Variants in AGAP5 observed in about 807,000 individuals in gnomAD.
The protein encoded by AGAP5 is ArfGAP with GTPase domain, ankyrin repeat and PH domain 5, also known as arf-GAP with GTPase, ANK repeat and PH domain-containing protein 5.
In AGAP5, 8 loss-of-function variants were observed where a neutral mutation model predicts 27.7. The ratio of observed to expected loss-of-function variants is 0.29; its 90% CI spans 0.17 to 0.52. AGAP5 has a LOEUF of 0.52. AGAP5 is among the 20% of genes least tolerant of loss of function. AGAP5 has a pLI of 0.97. For missense variants in AGAP5, 285 were observed against 880.8 expected, an observed-to-expected ratio of 0.32 and a Z score of 8.56; for synonymous variants, 111 against 338.0, an observed-to-expected ratio of 0.33 and a Z score of 7.37.
At chr10:73,690,240 A>T (rs1362094094) in intron 4 of AGAP5, among the ~76,000 whole-genome samples, 1 of 151,996 alleles carries the variant, frequency 6.6e-6, no homozygotes, top group Non-Finnish European at 1.5e-5. Context: ...GACATGGGAG[A>T]CTTTTCATTT....
intron 3 of AGAP5, among the ~76,000 whole-genome samples, chr10:73,692,409 T>C (rs1208611938): frequency 6.6e-6 from 1 of 152,138 alleles, no homozygotes; most frequent in Middle Eastern, 3.2e-3. Flanking sequence ...CATGATCCAT[T>C]AGTATTCTCT....
chr10:73,697,371 G>C (rs1307179986), intron 1 of AGAP5, among the ~76,000 whole-genome samples, 162 bp downstream of exon 1: 1 of 151,972 alleles, frequency 6.6e-6, no homozygotes, highest in East Asian at 1.9e-4. Flanking sequence ...AGACTAAGGG[G>C]TGGGAATTCA....
rs2082179236 is a variant in AGAP5, at chr10:73,698,021, T to C, written c.-266A>G. ...AGACCAGCTGGCTTATTTAATAGGT[T>C]GTGAACCCAACAAGCGCTGAGAGAC... On this transcript the variant is annotated 5_prime_UTR_variant, in exon 1 of 8. Coordinates refer to ENST00000374094, the MANE Select transcript of AGAP5 (RefSeq NM_001144000.4). 7.0e-7 allele frequency: 1 copy of C among 1,428,748 alleles called. No homozygotes were observed. The highest frequency in any genetic ancestry group is 1.4e-5 in the African/African-American group (1 of 69,742). The allele number at this position is 1,428,748 out of a possible 1,614,324, so 88.5% of individuals were successfully genotyped here.
At chr10:73,681,446 C>G (rs2082024222) in intron 5 of AGAP5, 1 of 985,326 alleles carries the variant, frequency 1.0e-6, no homozygotes, top group African/African-American at 1.7e-5. Context: ...ACCTATCCCA[C>G]TGACAACAGT....
chr10:73,686,230 A>G (rs969464281), intron 4 of AGAP5, among the ~76,000 whole-genome samples: 4 of 152,252 alleles, frequency 2.6e-5, no homozygotes, highest in Non-Finnish European at 5.9e-5. Context: ...GGAACAGAAT[A>G]GAGAACCTAG....
chr10:73,685,592 C>T (rs1470712887), intron 4 of AGAP5, among the ~76,000 whole-genome samples: 6 of 150,944 alleles, frequency 4.0e-5, no homozygotes, highest in Admixed American at 6.6e-5. Flanking sequence ...GCTCTGTTGC[C>T]CAGGCTGGAG....
chr10:73,682,782 G>C lies in AGAP5; in HGVS notation c.409C>G (p.Arg137Gly). The part of the protein sequence containing the change: ...SNCTNHVSTE[R>G]FSQQYSSCST... ...CACGAGCTGTATTGTTGACTGAAAC[G>C]CTCAGTAGATACCTGAAGGGGAAGG... is the stretch of plus-strand genomic sequence containing the variant. Residue 137 changes from arginine (R) to glycine (G), a missense_variant, in exon 5 of 8, where the codon CGT becomes GGT. Coordinates refer to ENST00000374094, the MANE Select transcript of AGAP5 (RefSeq NM_001144000.4). The C allele has an allele frequency of 6.2e-7, 1 of 1,611,282 alleles. No individual in the cohort carries two copies. Among genetic ancestry groups the C allele is most frequent in the Non-Finnish European group, 8.5e-7 (1 of 1,179,852 alleles).
intron 4 of AGAP5, among the ~76,000 whole-genome samples, chr10:73,690,317 T>C (rs1336892479): frequency 6.6e-6 from 1 of 152,178 alleles, no homozygotes; most frequent in Non-Finnish European, 1.5e-5. Flanking sequence ...CCCCCAACCC[T>C]GTGCTCTCTG....
chr10:73,674,872 A>G lies in AGAP5; in HGVS notation c.1788T>C (p.Ala596=), dbSNP rs538941448. Residue 596 remains alanine (A), a synonymous_variant, in exon 8 of 8, where the codon GCT becomes GCC. Transcript: ENST00000374094. ...SLGQHLLRAT[A]DEDLQTAILL... ...GGATGGCTGTCTGCAGGTCCTCATC[A>G]GCGGTGGCCCGCAGCAGGTGCTGGC... is the stretch of plus-strand genomic sequence containing the variant. 132 of 1,612,098 alleles carry G rather than the reference A, an allele frequency of 8.2e-5. No homozygotes were observed. The African/African-American group carries it at 1.6e-3, about 19-fold the overall frequency.
chr10:73,688,747 T>A (rs1194486515), intron 4 of AGAP5, among the ~76,000 whole-genome samples: 1 of 151,972 alleles, frequency 6.6e-6, no homozygotes, highest in Admixed American at 6.6e-5. Flanking sequence ...GAAGAGATAG[T>A]CTGCAGGTTT....
intron 4 of AGAP5, among the ~76,000 whole-genome samples, chr10:73,685,451 G>T (rs2082055297): frequency 6.6e-6 from 1 of 151,590 alleles, no homozygotes; most frequent in African/African-American, 2.4e-5. Context: ...GTGATTTTTT[G>T]TTTTTAATTC....
chr10:73,691,982 C>T, intron 4 of AGAP5, 61 bp downstream of exon 4: 1 of 1,378,012 alleles, frequency 7.3e-7, no homozygotes, highest in South Asian at 1.3e-5. Flanking sequence ...TTAAAGAAAT[C>T]AAGAGAGACA....
intron 6 of AGAP5, among the ~76,000 whole-genome samples, chr10:73,678,241 A>C (rs2081996257): frequency 6.6e-6 from 1 of 152,170 alleles, no homozygotes; most frequent in Non-Finnish European, 1.5e-5. Flanking sequence ...CAAACATATA[A>C]GAAAATTAGC....
intron 2 of AGAP5, among the ~76,000 whole-genome samples, chr10:73,696,722 CTT>C: frequency 6.6e-6 from 1 of 152,274 alleles, no homozygotes; most frequent in Non-Finnish European, 1.5e-5. Flanking sequence ...ACTCTTTTTT[CTT>C]TTTCCTTCTG....
Position 73,674,966 on chromosome 10 carries a change from C to A in AGAP5, c.1694G>T (p.Arg565Leu). The A allele has an allele frequency of 6.2e-7, 1 of 1,613,012 alleles. No individual in the cohort carries two copies. The highest frequency in any genetic ancestry group is 2.2e-5 in the East Asian group (1 of 44,892). Residue 565 changes from arginine (R) to leucine (L), a missense_variant, in exon 8 of 8, where the codon CGG becomes CTG. Physicochemically the swap from Arg to Leu is moderately radical, Grantham distance 102. Transcript: ENST00000374094. ...SVKSTREEKE[R>L]WIRSKYEEKL... ...CTCCTCATATTTGGAACGGATCCAC[C>A]GTTCCTTCTCTTCCCTCGTGGACTT...
intron 2 of AGAP5, 76 bp from the exon 3 acceptor site, chr10:73,694,880 T>C: frequency 6.3e-7 from 1 of 1,596,608 alleles, no homozygotes; most frequent in East Asian, 2.2e-5. Context: ...ATTCAACTGC[T>C]GCATTTAGGC....
intron 2 of AGAP5, among the ~76,000 whole-genome samples, chr10:73,696,741 A>G (rs958957181): frequency 2.0e-5 from 3 of 152,224 alleles, no homozygotes; most frequent in Non-Finnish European, 4.4e-5. Flanking sequence ...TCTGTGTTCA[A>G]ATTACAGTTA....
chr10:73,691,913 A>G (rs2082122417), intron 4 of AGAP5, 130 bp downstream of exon 4: 1 of 762,766 alleles, frequency 1.3e-6, no homozygotes, highest in African/African-American at 1.8e-5. Context: ...AAAATAGAAG[A>G]GATTTAGAAA....
At position 73,698,006 on chromosome 10, in the gene AGAP5, G is replaced by T; in HGVS notation, c.-251C>A. On this transcript the variant is annotated 5_prime_UTR_variant, in exon 1 of 8. Transcript: ENST00000374094. ...TGTCTGGGAGGGTGAAGACCAGCTG[G>T]CTTATTTAATAGGTTGTGAACCCAA... 6.9e-7 allele frequency: 1 copy of T among 1,453,078 alleles called. No homozygotes were observed. Among genetic ancestry groups the T allele is most frequent in the South Asian group, 1.4e-5 (1 of 71,244 alleles). 90.0% of individuals were successfully genotyped at this position (1,453,078 alleles called of 1,614,324 possible). A position where few individuals can be genotyped will look rare whatever the true frequency, so the allele number is the denominator to read the frequency against.
Sources: allele counts gnomAD v4.1 joint callset (sites outside exome capture counted in the v4.1 genomes callset), GRCh38; gene constraint gnomAD v4.1.1; transcripts MANE v1.5; gene names NCBI Gene and HGNC (gene_info 2026-07-23, HGNC 2026-07-21).